EIF4G3: variants seen among roughly 807,000 people sequenced by gnomAD.
EIF4G3 encodes eukaryotic translation initiation factor 4 gamma 3, also known as eIF-4-gamma 3.
Under a neutral mutation model 186.4 loss-of-function variants are expected in EIF4G3, and 34 were observed. The ratio of observed to expected loss-of-function variants is 0.18; its 90% CI spans 0.14 to 0.24. The LOEUF is 0.24. Among genes scored for constraint, EIF4G3 ranks in the 10% least tolerant of loss-of-function variants. The probability of loss-of-function intolerance (pLI) is 1.00; values close to 1 mark genes in which losing one functional copy is unlikely to be tolerated. For missense variants in EIF4G3, 1,536 were observed against 1,948.5 expected (o/e 0.79, Z 3.99); for synonymous variants, 673 against 679.5 (o/e 0.99, Z 0.15).
intron 14 of EIF4G3, among the ~76,000 whole-genome samples, chr1:20,931,390 A>G (rs551666180): frequency 3.9e-5 from 6 of 152,332 alleles, no homozygotes; most frequent in East Asian, 1.9e-4. Flanking sequence ...CAGTAGGCTT[A>G]TAAGAGTCGG....
chr1:21,146,858 A>G (rs975020770), intron 2 of EIF4G3, among the ~76,000 whole-genome samples: 1 of 152,218 alleles, frequency 6.6e-6, no homozygotes, highest in Non-Finnish European at 1.5e-5. Flanking sequence ...TTTTCATTTC[A>G]CACAAGAAAG....
At chr1:20,896,795 C>G (rs1335135840) in intron 16 of EIF4G3, among the ~76,000 whole-genome samples, 1 of 152,126 alleles carries the variant, frequency 6.6e-6, no homozygotes, top group African/African-American at 2.4e-5. Flanking sequence ...AGTATTTTTA[C>G]TATACCTTTT....
chr1:21,038,391 C>T (rs2093362988), intron 4 of EIF4G3, among the ~76,000 whole-genome samples: 1 of 152,178 alleles, frequency 6.6e-6, no homozygotes, highest in Admixed American at 6.5e-5. Context: ...CTCTCCACTT[C>T]CTACTTCAAT....
intron 2 of EIF4G3, among the ~76,000 whole-genome samples, chr1:21,097,992 G>C (rs1243671627): frequency 1.3e-5 from 2 of 152,080 alleles, no homozygotes; most frequent in Non-Finnish European, 2.9e-5. Context: ...TGTAATCAAA[G>C]CACTTTGGGA....
rs1173590084 is a variant in EIF4G3, at chr1:21,149,378, T to TGGCTTTTCTAGAGAAGGGG, written c.-272+26778_-272+26796dup. 4.7e-4 allele frequency among the ~76,000 whole-genome samples: 71 copies of TGGCTTTTCTAGAGAAGGGG among 152,246 alleles called. No homozygotes were observed. The East Asian group carries it at 0.013, about 28-fold the overall frequency. On this transcript the variant is annotated intron_variant, in intron 2 of 36. Transcript: ENST00000602326. ...CTGTATTTTCCATAATGATCACATA[T>TGGCTTTTCTAGAGAAGGGG]GGCTTTTCTAGAGAAGGGGGGCTTT...
chr1:20,933,938 G>A (rs2095429279), intron 14 of EIF4G3, among the ~76,000 whole-genome samples: 1 of 152,108 alleles, frequency 6.6e-6, no homozygotes, highest in Non-Finnish European at 1.5e-5. Context: ...ATAAAAATTT[G>A]GAAATCCTAC....
chr1:21,046,775 A>T (rs1203576405), intron 4 of EIF4G3, among the ~76,000 whole-genome samples: 1 of 152,234 alleles, frequency 6.6e-6, no homozygotes, highest in South Asian at 2.1e-4. Flanking sequence ...TTATCCGAAC[A>T]TCAGAAAAGA....
intron 2 of EIF4G3, among the ~76,000 whole-genome samples, chr1:21,157,438 C>T (rs547779122): frequency 3.3e-5 from 5 of 151,850 alleles, no homozygotes; most frequent in African/African-American, 1.2e-4. Flanking sequence ...GTGGTATGAT[C>T]ACAACTCACT....
intron 2 of EIF4G3, among the ~76,000 whole-genome samples, chr1:21,144,079 G>GT (rs1374885712): frequency 1.3e-5 from 2 of 152,200 alleles, no homozygotes; most frequent in Admixed American, 1.3e-4. Flanking sequence ...GCAATTTCAT[G>GT]TTTTTTGCCC....
chr1:21,110,760 T>G (rs966107376), intron 2 of EIF4G3, among the ~76,000 whole-genome samples: 1 of 151,910 alleles, frequency 6.6e-6, no homozygotes, highest in African/African-American at 2.4e-5. Context: ...AGAGACAGGG[T>G]TTCACCATGT....
chr1:21,011,209 T>C (rs10737455), intron 4 of EIF4G3, among the ~76,000 whole-genome samples: 1 of 145,366 alleles, frequency 6.9e-6, no homozygotes, highest in East Asian at 2.0e-4. Flanking sequence ...AACTTTTTTT[T>C]AAAAAAAAAA....
intron 30 of EIF4G3, among the ~76,000 whole-genome samples, chr1:20,833,127 G>C (rs2065789228): frequency 7.8e-6 from 1 of 128,862 alleles, no homozygotes; most frequent in African/African-American, 2.9e-5. Context: ...CTTTAAAGTA[G>C]TTTTTTCCAA....
chr1:20,995,634 A>C (rs2082128784), intron 7 of EIF4G3, among the ~76,000 whole-genome samples: 1 of 152,172 alleles, frequency 6.6e-6, no homozygotes, highest in Admixed American at 6.5e-5. Context: ...AGCCTCCCAA[A>C]GTGTTGGGAT....
chr1:21,056,396 C>T (rs1557744545), intron 3 of EIF4G3, among the ~76,000 whole-genome samples: 1 of 152,176 alleles, frequency 6.6e-6, no homozygotes. Context: ...ACATATGTCA[C>T]ACTGCATTAG....
At chr1:21,094,984 A>G (rs1269598158) in intron 2 of EIF4G3, among the ~76,000 whole-genome samples, 1 of 152,012 alleles carries the variant, frequency 6.6e-6, no homozygotes, top group Non-Finnish European at 1.5e-5. Context: ...CTTACCTTTT[A>G]CCATTGAGAT....
At chr1:20,952,003 G>A (rs935970736) in intron 12 of EIF4G3, among the ~76,000 whole-genome samples, 3 of 152,236 alleles carry the variant, frequency 2.0e-5, no homozygotes, top group Middle Eastern at 3.4e-3. Context: ...CAGTACATAG[G>A]TATATAGCCA....
chr1:21,091,717 A>C (rs1011860268), intron 2 of EIF4G3, among the ~76,000 whole-genome samples: 3 of 152,070 alleles, frequency 2.0e-5, no homozygotes, highest in African/African-American at 7.2e-5. Flanking sequence ...TATCCCTTGT[A>C]AGTTGGATTC....
chr1:21,057,384 A>G (rs758165686), intron 3 of EIF4G3, among the ~76,000 whole-genome samples: 15 of 152,210 alleles, frequency 9.9e-5, no homozygotes, highest in Non-Finnish European at 1.8e-4. Flanking sequence ...GGTACTGAGT[A>G]AAAGATTAAG....
chr1:20,902,636 T>G (rs1406282211), intron 15 of EIF4G3, among the ~76,000 whole-genome samples: 1 of 152,110 alleles, frequency 6.6e-6, no homozygotes, highest in Non-Finnish European at 1.5e-5. Flanking sequence ...TTTTAAAAAT[T>G]TTTTAGGTTA....
Sources: gnomAD v4.1 joint callset for allele counts (sites outside exome capture counted in the v4.1 genomes callset) on GRCh38, gnomAD v4.1.1 for gene constraint, MANE v1.5 for transcripts, NCBI Gene and HGNC (gene_info 2026-07-23, HGNC 2026-07-21) for gene names.